Variants in LTBP1 observed in about 807,000 individuals in gnomAD.
LTBP1 encodes the protein latent transforming growth factor beta binding protein 1, also known as latent-transforming growth factor beta-binding protein 1.
Under a neutral mutation model 207.6 loss-of-function variants are expected in LTBP1, and 129 were observed. The observed-to-expected ratio is 0.62, with a 90% CI of 0.54 to 0.72. LTBP1 has a LOEUF of 0.72. LTBP1 is among the 30% of genes least tolerant of loss of function. LTBP1 has a pLI of 0.00. For missense variants in LTBP1, 2,281 were observed against 2,217.2 expected, an observed-to-expected ratio of 1.03 and a Z score of -0.58; for synonymous variants, 963 against 833.7, an observed-to-expected ratio of 1.16 and a Z score of -2.67.
At chr2:33,201,597 G>C (rs1387130476) in intron 7 of LTBP1, among the ~76,000 whole-genome samples, 2 of 151,284 alleles carry the variant, frequency 1.3e-5, no homozygotes, top group Admixed American at 1.3e-4. Context: ...CCTGCACATT[G>C]TGCACATGTA....
At chr2:33,256,088 T>G (rs1050669823) in intron 11 of LTBP1, among the ~76,000 whole-genome samples, 4 of 152,160 alleles carry the variant, frequency 2.6e-5, no homozygotes, top group Non-Finnish European at 5.9e-5. Context: ...TTTTTTTTTT[T>G]TTAAAGAATA....
At chr2:33,335,425 C>A (rs1193714030) in intron 24 of LTBP1, among the ~76,000 whole-genome samples, 1 of 152,092 alleles carries the variant, frequency 6.6e-6, no homozygotes, top group Non-Finnish European at 1.5e-5. Flanking sequence ...ATTCCCATCT[C>A]CTAGAACAAA....
chr2:33,307,555 A>G (rs1409461785), intron 22 of LTBP1, among the ~76,000 whole-genome samples: 3 of 152,164 alleles, frequency 2.0e-5, no homozygotes, highest in Admixed American at 6.5e-5. Context: ...AGTGAGAGGG[A>G]ATGTATTGGG....
chr2:33,113,923 C>G (rs565520257), intron 4 of LTBP1, among the ~76,000 whole-genome samples: 2 of 152,312 alleles, frequency 1.3e-5, no homozygotes, highest in South Asian at 2.1e-4. Flanking sequence ...TCACCACAAC[C>G]TCTGCCTCCC....
chr2:33,262,519 A>G (rs1267953169), intron 13 of LTBP1, among the ~76,000 whole-genome samples: 1 of 149,574 alleles, frequency 6.7e-6, no homozygotes, highest in Non-Finnish European at 1.5e-5. Flanking sequence ...GGCTTTCCAT[A>G]GTAGCACCAC....
intron 7 of LTBP1, among the ~76,000 whole-genome samples, chr2:33,205,123 A>G (rs572534828): frequency 6.6e-6 from 1 of 152,228 alleles, no homozygotes; most frequent in South Asian, 2.1e-4. Context: ...ATCAATGTCA[A>G]ACAGAGTGAA....
intron 7 of LTBP1, among the ~76,000 whole-genome samples, chr2:33,214,517 T>TCTTTTTTTGGTCCAGTCTTC (rs2090542625): frequency 6.6e-6 from 1 of 152,282 alleles, no homozygotes; most frequent in East Asian, 1.9e-4. Flanking sequence ...ACTTTATCAC[T>TCTTTTTTTGGTCCAGTCTTC]CTTTTTTTGG....
At position 33,398,444 on chromosome 2, in the gene LTBP1, A is replaced by C. The variant is rs2095379830; in HGVS notation, c.5065A>C (p.Lys1689Gln). The C allele has an allele frequency of 6.2e-7, 1 of 1,614,102 alleles. No homozygotes were observed. Among genetic ancestry groups the C allele is most frequent in the African/African-American group, 1.3e-5 (1 of 74,944 alleles). ...GTGCATTAACACCGATGGTTCCTAC[A>C]AGTGTTTGTGTCTGCCAGGCTACGT... ...AKCINTDGSY[K>Q]CLCLPGYVPS... The change falls in exon 34 of 34, where the codon AAG becomes CAG. Residue 1689 changes from lysine to glutamine, a missense_variant. By Grantham distance (53) the Lys-to-Gln change is moderately conservative (BLOSUM62 1). This residue lies in a region of LTBP1 where 1,671 missense variants were observed against 1,634.8 expected (regional missense o/e 1.02). Coordinates refer to ENST00000404816, the MANE Select transcript of LTBP1 (RefSeq NM_206943.4).
At chr2:33,325,069 A>G (rs1427186101) in intron 24 of LTBP1, among the ~76,000 whole-genome samples, 1 of 152,200 alleles carries the variant, frequency 6.6e-6, no homozygotes, top group African/African-American at 2.4e-5. Flanking sequence ...TCATTTATAT[A>G]TAATTTGCTT....
chr2:33,284,848 T>G (rs992917790), intron 19 of LTBP1, among the ~76,000 whole-genome samples: 1 of 152,342 alleles, frequency 6.6e-6, no homozygotes. Context: ...ACTTGCTGTT[T>G]AAGCTTTCTT....
At chr2:33,050,446 A>T (rs140109235) in intron 3 of LTBP1, among the ~76,000 whole-genome samples, 1 of 152,296 alleles carries the variant, frequency 6.6e-6, no homozygotes, top group African/African-American at 2.4e-5. Context: ...GAAATTTCAG[A>T]TTCCAAGAAA....
chr2:33,381,787 G>A (rs1388446066), intron 31 of LTBP1, among the ~76,000 whole-genome samples: 2 of 152,062 alleles, frequency 1.3e-5, no homozygotes, highest in African/African-American at 4.8e-5. Flanking sequence ...GTTTCAAAAG[G>A]ACAGCTGGGG....
intron 3 of LTBP1, among the ~76,000 whole-genome samples, chr2:33,097,089 G>A (rs1413224126): frequency 6.6e-6 from 1 of 152,038 alleles, no homozygotes; most frequent in East Asian, 1.9e-4. Context: ...ATGCCTACAG[G>A]TTCTATAGAA....
chr2:33,296,694 A>T (rs1468825746), intron 20 of LTBP1, among the ~76,000 whole-genome samples: 5 of 152,178 alleles, frequency 3.3e-5, no homozygotes, highest in Non-Finnish European at 5.9e-5. Flanking sequence ...ATCCAAGATT[A>T]TAATATATAT....
chr2:33,095,422 T>C (rs2079330928), intron 3 of LTBP1, among the ~76,000 whole-genome samples: 1 of 152,202 alleles, frequency 6.6e-6, no homozygotes, highest in African/African-American at 2.4e-5. Context: ...ACTGAGCTAT[T>C]GCACACTATA....
intron 5 of LTBP1, among the ~76,000 whole-genome samples, chr2:33,178,078 T>A (rs952347398): frequency 2.6e-5 from 4 of 152,200 alleles, no homozygotes; most frequent in Non-Finnish European, 5.9e-5. Flanking sequence ...AGCCACCTCA[T>A]TTTTGCAGAT....
chr2:33,361,966 T>G (rs527628014), intron 28 of LTBP1, among the ~76,000 whole-genome samples: 4 of 152,274 alleles, frequency 2.6e-5, no homozygotes, highest in South Asian at 4.1e-4. Context: ...TTTATCCTAC[T>G]GTTGTGGGGC....
intron 5 of LTBP1, among the ~76,000 whole-genome samples, chr2:33,185,889 G>A (rs572339010): frequency 6.6e-6 from 1 of 152,274 alleles, no homozygotes; most frequent in Admixed American, 6.5e-5. Flanking sequence ...AGGAAATGGA[G>A]CTGAGGGGCT....
At chr2:33,254,930 AT>A (rs200170010) in intron 11 of LTBP1, among the ~76,000 whole-genome samples, 30,143 of 101,318 alleles carry the variant, frequency 0.3, 4,154 homozygotes, top group East Asian at 0.4. Flanking sequence ...TGTTTCCTGC[AT>A]TTTTTTTTAT....
Sources: allele counts gnomAD v4.1 joint callset (sites outside exome capture counted in the v4.1 genomes callset), GRCh38; gene constraint gnomAD v4.1.1; regional missense constraint gnomAD v4.1.1; transcripts MANE v1.5; gene names NCBI Gene and HGNC (gene_info 2026-07-23, HGNC 2026-07-21).